Variants in GHR observed in about 807,000 individuals in gnomAD.
GHR encodes the protein growth hormone receptor.
Under a neutral mutation model 67.1 loss-of-function variants are expected in GHR, and 35 were observed. The observed-to-expected ratio is 0.52, with a 90% CI of 0.40 to 0.69. GHR has a LOEUF of 0.69. Among genes scored for constraint, GHR ranks in the 30% least tolerant of loss-of-function variants. The probability of loss-of-function intolerance (pLI) is 0.00; values close to 1 mark genes in which losing one functional copy is unlikely to be tolerated. For synonymous variants in GHR, 272 were observed against 269.1 expected, an observed-to-expected ratio of 1.01 and a Z score of -0.10; for missense variants, 792 against 764.6, an observed-to-expected ratio of 1.04 and a Z score of -0.42.
Position 42,642,105 on chromosome 5 carries a change from G to A in GHR, c.136+13002G>A, listed in dbSNP as rs138425929. On this transcript the variant is annotated intron_variant, in intron 3 of 9. Coordinates refer to ENST00000230882, the MANE Select transcript of GHR (RefSeq NM_000163.5). ...ATGAAAAAAGCAGCCTTTTCAGGCCGATGATGGAAAGATAGAAACTAAATT... is the reference window on the plus strand; with the variant it reads ...ATGAAAAAAGCAGCCTTTTCAGGCCAATGATGGAAAGATAGAAACTAAATT... 2.1e-3 allele frequency among the ~76,000 whole-genome samples: 327 copies of A among 152,246 alleles called. 2 individuals carry two copies. The highest frequency in any genetic ancestry group is 7.6e-3 in the African/African-American group (314 of 41,520).
chr5:42,694,243 C>G (rs1279609618), intron 4 of GHR, among the ~76,000 whole-genome samples: 1 of 152,130 alleles, frequency 6.6e-6, no homozygotes, highest in Non-Finnish European at 1.5e-5. Context: ...GGAGGAATTC[C>G]TTAGACATCT....
Position 42,706,968 on chromosome 5 carries a change from G to T in GHR, c.619-4239G>T, listed in dbSNP as rs1021229081. ...AGGCATTGCATTGAATGTGTAGATT[G>T]GCTTGGGCAGTATGGTCATCTTAAC... On this transcript the variant is annotated intron_variant, in intron 6 of 9. Transcript: ENST00000230882. Among the ~76,000 whole-genome samples, 15 of 148,850 alleles carry T rather than the reference G, an allele frequency of 1.0e-4. 1 individual carries two copies. Among genetic ancestry groups the T allele is most frequent in the Admixed American group, 9.3e-4 (14 of 15,012 alleles).
intron 1 of GHR, chr5:42,468,828 G>A (rs1456213809): frequency 4.9e-6 from 5 of 1,010,358 alleles, no homozygotes; most frequent in African/African-American, 3.3e-5. Context: ...ATCGGTTGGT[G>A]ACCAGGCAGC....
chr5:42,581,294 G>A (rs552779060), intron 2 of GHR, among the ~76,000 whole-genome samples: 2 of 152,306 alleles, frequency 1.3e-5, no homozygotes, highest in African/African-American at 4.8e-5. Context: ...CCAACTGTCA[G>A]TGGAGTTTTA....
intron 1 of GHR, among the ~76,000 whole-genome samples, chr5:42,471,953 G>A (rs1421195532): frequency 2.0e-5 from 3 of 152,156 alleles, no homozygotes; most frequent in Non-Finnish European, 4.4e-5. Context: ...GTGGGAACTC[G>A]TCATTCATTT....
At chr5:42,629,181 A>G (rs1429644700) in intron 3 of GHR, 78 bp downstream of exon 3, 2 of 810,212 alleles carry the variant, frequency 2.5e-6, no homozygotes, top group Non-Finnish European at 4.1e-6. Context: ...TCCTTTCTCT[A>G]TTTTATTTGG....
At chr5:42,625,816 A>G (rs1230336542) in intron 2 of GHR, among the ~76,000 whole-genome samples, 1 of 148,514 alleles carries the variant, frequency 6.7e-6, no homozygotes, top group Non-Finnish European at 1.5e-5. Flanking sequence ...GGATCTGGGA[A>G]GGAAGGAAGG....
At chr5:42,507,194 A>T (rs887967461) in intron 1 of GHR, among the ~76,000 whole-genome samples, 14 of 152,242 alleles carry the variant, frequency 9.2e-5, no homozygotes, top group Non-Finnish European at 1.9e-4. Flanking sequence ...TTGTTGTCAG[A>T]ATGATTACAG....
At chr5:42,637,377 G>A (rs1047221105) in intron 3 of GHR, among the ~76,000 whole-genome samples, 6 of 151,966 alleles carry the variant, frequency 3.9e-5, no homozygotes, top group Non-Finnish European at 7.4e-5. Context: ...ATGTCTCTGA[G>A]GTTTGGTGTA....
At chr5:42,684,716 T>G (rs1435237968) in intron 3 of GHR, among the ~76,000 whole-genome samples, 1 of 152,172 alleles carries the variant, frequency 6.6e-6, no homozygotes. Flanking sequence ...CTAAAACTCT[T>G]GTAAATTTCT....
At chr5:42,523,719 A>G (rs1213502753) in intron 1 of GHR, among the ~76,000 whole-genome samples, 1 of 152,114 alleles carries the variant, frequency 6.6e-6, no homozygotes, top group Non-Finnish European at 1.5e-5. Flanking sequence ...CGTGTCTGAT[A>G]TGGTTTGGTT....
At chr5:42,472,580 C>T (rs1244399246) in intron 1 of GHR, among the ~76,000 whole-genome samples, 1 of 152,096 alleles carries the variant, frequency 6.6e-6, no homozygotes, top group Non-Finnish European at 1.5e-5. Context: ...GTGTATAGCC[C>T]ATAAGAATTT....
At chr5:42,499,095 A>C (rs1746433594) in intron 1 of GHR, among the ~76,000 whole-genome samples, 3 of 152,238 alleles carry the variant, frequency 2.0e-5, no homozygotes, top group African/African-American at 7.2e-5. Flanking sequence ...GAAGAGTGGC[A>C]ACTGCTACAA....
At chr5:42,651,307 T>C (rs1755007348) in intron 3 of GHR, among the ~76,000 whole-genome samples, 2 of 152,170 alleles carry the variant, frequency 1.3e-5, no homozygotes, top group South Asian at 4.1e-4. Context: ...CTTTCCAACA[T>C]CTTGTAAATT....
intron 6 of GHR, among the ~76,000 whole-genome samples, chr5:42,703,025 T>C (rs1758004941): frequency 6.6e-6 from 1 of 152,050 alleles, no homozygotes; most frequent in South Asian, 2.1e-4. Flanking sequence ...ACTCTGTTGA[T>C]TGTTTCCTTG....
chr5:42,555,118 C>T (rs1409566028), intron 1 of GHR, among the ~76,000 whole-genome samples: 1 of 152,050 alleles, frequency 6.6e-6, no homozygotes, highest in East Asian at 1.9e-4. Flanking sequence ...TCAGTCTGGC[C>T]AAATAGACTT....
At chr5:42,474,277 A>AAAAG (rs1400535926) in intron 1 of GHR, among the ~76,000 whole-genome samples, 18 of 110,790 alleles carry the variant, frequency 1.6e-4, no homozygotes, top group East Asian at 4.9e-4. Flanking sequence ...GAAAGAAAGA[A>AAAAG]AGAAAGAAAA....
intron 1 of GHR, among the ~76,000 whole-genome samples, chr5:42,482,060 G>A (rs2972417): frequency 0.17 from 24,960 of 151,148 alleles, 2,271 homozygotes; most frequent in Middle Eastern, 0.27. Flanking sequence ...TGGGTTTTTG[G>A]TGTGGATGTC....
intron 1 of GHR, chr5:42,514,979 C>G (rs1211925851): frequency 6.6e-6 from 1 of 150,412 alleles, no homozygotes; most frequent in African/African-American, 2.5e-5. Flanking sequence ...GGGCAGTCAC[C>G]TTTTATCAGG....
Sources: gnomAD v4.1 joint callset for allele counts (sites outside exome capture counted in the v4.1 genomes callset) on GRCh38, gnomAD v4.1.1 for gene constraint, MANE v1.5 for transcripts, NCBI Gene and HGNC (gene_info 2026-07-23, HGNC 2026-07-21) for gene names.